Variants in MARCO observed in about 807,000 individuals in gnomAD.
MARCO encodes macrophage receptor MARCO.
A neutral mutation model predicts 70.0 loss-of-function variants in MARCO; 72 were observed. The ratio of observed to expected loss-of-function variants is 1.03; its 90% CI spans 0.85 to 1.25. The LOEUF (loss-of-function observed/expected upper bound fraction) is 1.25. Among genes scored for constraint, MARCO ranks in the 50% most tolerant of loss-of-function variants. MARCO has a pLI of 0.00. For missense variants in MARCO, 696 were observed against 659.3 expected (o/e 1.06, Z -0.61); for synonymous variants, 273 against 243.1 (o/e 1.12, Z -1.14).
intron 1 of MARCO, among the ~76,000 whole-genome samples, chr2:118,950,359 A>G (rs1679696986): frequency 6.6e-6 from 1 of 152,232 alleles, no homozygotes; most frequent in Non-Finnish European, 1.5e-5. Flanking sequence ...AGTTCACAGA[A>G]AAACTGGATG....
At chr2:118,951,234 T>C (rs1679717018) in intron 1 of MARCO, among the ~76,000 whole-genome samples, 1 of 152,238 alleles carries the variant, frequency 6.6e-6, no homozygotes, top group Non-Finnish European at 1.5e-5. Context: ...GGAGGAACCG[T>C]CAATCATCCT....
At chr2:118,957,604 T>G (rs1225397090) in intron 1 of MARCO, among the ~76,000 whole-genome samples, 7 of 152,014 alleles carry the variant, frequency 4.6e-5, no homozygotes. Context: ...TACCAATCCT[T>G]TTGACACTAT....
Position 118,982,263 on chromosome 2 carries a change from C to T in MARCO, c.1000+9C>T. On this transcript the variant is annotated intron_variant, in intron 11 of 16. Coordinates refer to ENST00000327097, the MANE Select transcript of MARCO (RefSeq NM_006770.4). ...CTCCCCTGGGCGAGCAGGTGAGGTC[C>T]TGGGTCCTATGGTGGGCACAGGGAG... 6.2e-7 allele frequency: 1 copy of T among 1,612,758 alleles called. No homozygotes were observed. The highest frequency in any genetic ancestry group is 1.7e-5 in the Admixed American group (1 of 59,984).
At chr2:118,975,738 T>A (rs1162431004) in intron 6 of MARCO, among the ~76,000 whole-genome samples, 1 of 151,990 alleles carries the variant, frequency 6.6e-6, no homozygotes, top group East Asian at 1.9e-4. Context: ...ACACATGCAC[T>A]CACATACACA....
intron 1 of MARCO, among the ~76,000 whole-genome samples, chr2:118,957,681 C>T (rs1376317217): frequency 6.6e-6 from 1 of 151,972 alleles, no homozygotes; most frequent in Non-Finnish European, 1.5e-5. Context: ...ACCCTAACAC[C>T]AAAACCAGGA....
intron 1 of MARCO, among the ~76,000 whole-genome samples, chr2:118,944,377 C>T (rs1045857223): frequency 6.6e-6 from 1 of 152,142 alleles, no homozygotes; most frequent in African/African-American, 2.4e-5. Context: ...TAGAAGAGTG[C>T]CATTATGCAG....
intron 1 of MARCO, among the ~76,000 whole-genome samples, chr2:118,954,063 C>T (rs1424475610): frequency 6.6e-6 from 1 of 152,202 alleles, no homozygotes; most frequent in Non-Finnish European, 1.5e-5. Context: ...TGAGAAGCCT[C>T]CTGACCAGAA....
At chr2:118,992,367 A>G in intron 14 of MARCO, 65 bp from the exon 15 acceptor site, 1 of 1,386,894 alleles carries the variant, frequency 7.2e-7, no homozygotes. Flanking sequence ...CCACTCATGC[A>G]AATGCAGGCA....
At chr2:118,993,681 A>G (rs1189187154) in intron 16 of MARCO, among the ~76,000 whole-genome samples, 1 of 152,238 alleles carries the variant, frequency 6.6e-6, no homozygotes, top group African/African-American at 2.4e-5. Flanking sequence ...TGTTCACTCC[A>G]GCTGTCTGTG....
At chr2:118,978,399 G>C (rs977613191) in intron 8 of MARCO, among the ~76,000 whole-genome samples, 1 of 152,212 alleles carries the variant, frequency 6.6e-6, no homozygotes, top group African/African-American at 2.4e-5. Context: ...TAAAATGCAG[G>C]GAGGGCTCGA....
At position 118,970,320 on chromosome 2, in the gene MARCO, A is replaced by G. The variant is rs771638950; in HGVS notation, c.406A>G (p.Asn136Asp). 5 of 1,613,082 alleles carry G rather than the reference A, an allele frequency of 3.1e-6. No individual in the cohort carries two copies. The South Asian group carries it at 5.5e-5, about 18-fold the overall frequency. ...SHEHLLQRVD[N>D]FTQNPGMFRI... ...TGAGCACTTGCTGCAGCGGGTAGACAACTTCACTCAGAACCCAGGTTTGGC... is the reference window on the plus strand; with the variant it reads ...TGAGCACTTGCTGCAGCGGGTAGACGACTTCACTCAGAACCCAGGTTTGGC... The change falls in exon 3 of 17, where the codon AAC (asparagine) becomes GAC (aspartate). Residue 136 changes from asparagine (N) to aspartate (D), a missense_variant. By Grantham distance (23) the Asn-to-Asp change is conservative (BLOSUM62 1). Coordinates refer to ENST00000327097, the MANE Select transcript of MARCO (RefSeq NM_006770.4).
chr2:118,980,915 G>A (rs1358404461), intron 8 of MARCO, among the ~76,000 whole-genome samples: 6 of 152,170 alleles, frequency 3.9e-5, no homozygotes, highest in African/African-American at 1.4e-4. Flanking sequence ...GATGATAAGT[G>A]GAAAATTTGA....
intron 6 of MARCO, 125 bp downstream of exon 6, chr2:118,974,690 C>A: frequency 1.1e-6 from 1 of 939,258 alleles, no homozygotes; most frequent in East Asian, 2.6e-5. Flanking sequence ...TGAACGGAGG[C>A]CTGGTGGGAG....
In MARCO at chr2:118,982,233, G is replaced by A; in HGVS notation, c.979G>A (p.Ala327Thr). ...AGGTGCCAAGGGTGAGCCTGGCAGT[G>A]CTGGCTCCCCTGGGCGAGCAGGTGA... ...HPGAKGEPGSAGSPGRAGLPG... is the reference protein window; with the variant it reads ...HPGAKGEPGSTGSPGRAGLPG... The change falls in exon 11 of 17, where the codon GCT becomes ACT. Residue 327 changes from alanine (A) to threonine (T), a missense_variant. Around this residue, in one of 3 missense-constraint regions of MARCO, gnomAD observed 605 missense variants for 537.6 expected, o/e 1.13. Coordinates refer to ENST00000327097, the MANE Select transcript of MARCO (RefSeq NM_006770.4). 1.2e-6 allele frequency: 2 copies of A among 1,613,024 alleles called. No individual in the cohort carries two copies. The highest frequency in any genetic ancestry group is 2.7e-5 in the African/African-American group (2 of 74,980).
chr2:118,967,205 A>G (rs1195765151), intron 1 of MARCO, among the ~76,000 whole-genome samples: 1 of 152,246 alleles, frequency 6.6e-6, no homozygotes, highest in African/African-American at 2.4e-5. Context: ...CAGAGGAACC[A>G]GAGAAGGTGT....
chr2:118,966,040 C>T (rs1187789107), intron 1 of MARCO, among the ~76,000 whole-genome samples: 1 of 151,700 alleles, frequency 6.6e-6, no homozygotes, highest in Non-Finnish European at 1.5e-5. Flanking sequence ...ACCCTACCAG[C>T]ACTGCCTGCT....
In MARCO at chr2:118,942,279, T is replaced by C; in HGVS notation, c.-22T>C. The C allele has an allele frequency of 1.3e-6, 2 of 1,548,136 alleles. No individual in the cohort carries two copies. The highest frequency in any genetic ancestry group is 1.1e-5 in the South Asian group (1 of 89,566). ...AGCATTTCTGCTGGCTCCAGGACTT[T>C]GGCCATCTATAAAGCTTGGCAATGA... On this transcript the variant is annotated 5_prime_UTR_variant, in exon 1 of 17. Coordinates refer to ENST00000327097, the MANE Select transcript of MARCO (RefSeq NM_006770.4).
chr2:118,990,191 G>A (rs1443022959), intron 12 of MARCO, among the ~76,000 whole-genome samples: 1 of 152,168 alleles, frequency 6.6e-6, no homozygotes, highest in Non-Finnish European at 1.5e-5. Context: ...GGTGGCCACT[G>A]AGCCCCTCCA....
At chr2:118,986,685 GAA>G (rs1558671834) in intron 12 of MARCO, among the ~76,000 whole-genome samples, 6 of 44,698 alleles carry the variant, frequency 1.3e-4, no homozygotes, top group South Asian at 1.4e-3. Context: ...AAGAAAGAAA[GAA>G]AGAAAGAAAG....
Sources: allele counts gnomAD v4.1 joint callset (sites outside exome capture counted in the v4.1 genomes callset), GRCh38; gene constraint gnomAD v4.1.1; regional missense constraint gnomAD v4.1.1; transcripts MANE v1.5; gene names NCBI Gene and HGNC (gene_info 2026-07-23, HGNC 2026-07-21).